The following TMC1 variants were observed in gnomAD, a reference collection of about 807,000 sequenced individuals.
TMC1 encodes transmembrane channel-like protein 1.
In TMC1, 84 loss-of-function variants were observed where a neutral mutation model predicts 105.8. That is an observed-to-expected ratio of 0.79 (90% confidence interval 0.67 to 0.95). The LOEUF (loss-of-function observed/expected upper bound fraction) is 0.95, where lower values mean the gene tolerates loss of function less well. Among genes scored for constraint, TMC1 ranks in the 40% least tolerant of loss-of-function variants. The pLI, the probability that TMC1 is intolerant of heterozygous loss-of-function variation, is 0.00. For missense variants in TMC1, 817 were observed against 914.1 expected, an observed-to-expected ratio of 0.89 and a Z score of 1.37; for synonymous variants, 315 against 311.5, an observed-to-expected ratio of 1.01 and a Z score of -0.12.
At chr9:72,802,879 AC>A (rs1418630429) in intron 17 of TMC1, among the ~76,000 whole-genome samples, 14 of 152,210 alleles carry the variant, frequency 9.2e-5, no homozygotes, top group Admixed American at 5.9e-4. Flanking sequence ...TAGAAAAAAA[AC>A]ATTTTTAAAT....
chr9:72,651,465 T>C (rs936499836), intron 5 of TMC1: 5 of 152,264 alleles, frequency 3.3e-5, no homozygotes, highest in Admixed American at 6.5e-5. Flanking sequence ...AATCTCATGA[T>C]TGCAGGTTGT....
rs1393873434 is a variant in TMC1, at chr9:72,521,646, G to C, written c.-695G>C. On this transcript the variant is annotated 5_prime_UTR_variant, in exon 1 of 24. Transcript: ENST00000297784. ...TGTTTCCCATCTACTCAGAGGCTGA[G>C]GCGGGAGAATCGCTTGAACCCGGAA... 1 of 152,174 alleles carries C rather than the reference G, an allele frequency of 6.6e-6. No individual in the cohort carries two copies. The highest frequency in any genetic ancestry group is 2.4e-5 in the African/African-American group (1 of 41,406). The allele number at this position is 152,174 out of a possible 1,614,324, so 9.4% of individuals were successfully genotyped here.
In TMC1 at chr9:72,807,122, G is replaced by C. The variant is rs979268023; in HGVS notation, c.1695+1612G>C. On this transcript the variant is annotated intron_variant, in intron 18 of 23. Coordinates refer to ENST00000297784, the MANE Select transcript of TMC1 (RefSeq NM_138691.3). Reference sequence around the variant, plus strand: ...ACCAAAACCAGTCAGGCGTGTCGGCGCGAGCCTGCAATCGCAGGCACTCGG... The same window carrying C: ...ACCAAAACCAGTCAGGCGTGTCGGCCCGAGCCTGCAATCGCAGGCACTCGG... Among the ~76,000 whole-genome samples the C allele has an allele frequency of 4.6e-5, 7 of 152,300 alleles. No homozygotes were observed. In the South Asian group the frequency reaches 1.5e-3, roughly 32 times the overall value.
intron 1 of TMC1, among the ~76,000 whole-genome samples, chr9:72,524,040 C>T (rs531861327): frequency 4.6e-5 from 7 of 152,310 alleles, no homozygotes; most frequent in South Asian, 4.1e-4. Flanking sequence ...CATTTTCACT[C>T]GTCAGTGCTG....
intron 10 of TMC1, 26 bp downstream of exon 10, chr9:72,742,551 G>T: frequency 6.3e-7 from 1 of 1,587,658 alleles, no homozygotes; most frequent in East Asian, 2.2e-5. Context: ...ATCTCAGGTG[G>T]AGAAGGTTGT....
At chr9:72,744,117 G>A (rs1228954088) in intron 10 of TMC1, among the ~76,000 whole-genome samples, 3 of 152,156 alleles carry the variant, frequency 2.0e-5, no homozygotes, top group Non-Finnish European at 2.9e-5. Context: ...TATCAGATGG[G>A]AATTATTAAG....
At chr9:72,614,815 G>T (rs1425055841) in intron 2 of TMC1, among the ~76,000 whole-genome samples, 1 of 151,986 alleles carries the variant, frequency 6.6e-6, no homozygotes, top group Non-Finnish European at 1.5e-5. Context: ...TGAGTAGCTG[G>T]GATTACAGTG....
chr9:72,678,807 CTGAT>C (rs1360772274), intron 5 of TMC1, among the ~76,000 whole-genome samples: 4 of 152,016 alleles, frequency 2.6e-5, no homozygotes, highest in Non-Finnish European at 5.9e-5. Flanking sequence ...TTAGAAATCT[CTGAT>C]TGTAATCTTC....
At chr9:72,655,686 G>C (rs917388720) in intron 5 of TMC1, 1 of 379,960 alleles carries the variant, frequency 2.6e-6, no homozygotes, top group African/African-American at 2.1e-5. Context: ...AGCCTGCAGT[G>C]AGCTGAGATC....
At chr9:72,725,323 A>ATG (rs368040023) in intron 8 of TMC1, among the ~76,000 whole-genome samples, 7,642 of 105,612 alleles carry the variant, frequency 0.072, 411 homozygotes, top group Non-Finnish European at 0.095. Context: ...TTATGTGTGT[A>ATG]TGTATATATA....
Position 72,837,632 on chromosome 9 carries a change from T to C in TMC1, c.*1659T>C, listed in dbSNP as rs912196240. 6.6e-6 allele frequency: 1 copy of C among 152,240 alleles called. No individual in the cohort carries two copies. Among genetic ancestry groups the C allele is most frequent in the African/African-American group, 2.4e-5 (1 of 41,458 alleles). The allele number at this position is 152,240 out of a possible 1,614,324, so 9.4% of individuals were successfully genotyped here. A position where few individuals can be genotyped will look rare whatever the true frequency, so the allele number is the denominator to read the frequency against. On this transcript the variant is annotated 3_prime_UTR_variant, in exon 24 of 24. Transcript: ENST00000297784. The stretch of plus-strand genomic sequence containing the variant: ...ATTTACAGTTTGAATTGACTTTAAG[T>C]AGTAACACTCAGTGCCCTCACTAGC...
intron 8 of TMC1, among the ~76,000 whole-genome samples, chr9:72,723,008 A>ACTGG (rs1827054797): frequency 6.6e-6 from 1 of 152,202 alleles, no homozygotes; most frequent in East Asian, 1.9e-4. Context: ...GAACAACTGA[A>ACTGG]AGCAGAGGTT....
chr9:72,809,890 C>A (rs17560936), intron 18 of TMC1, among the ~76,000 whole-genome samples: 1 of 151,754 alleles, frequency 6.6e-6, no homozygotes, highest in Admixed American at 6.6e-5. Flanking sequence ...TACAAGCTCC[C>A]GATATAAATA....
At chr9:72,653,546 C>T (rs1825844269) in intron 5 of TMC1, among the ~76,000 whole-genome samples, 1 of 152,140 alleles carries the variant, frequency 6.6e-6, no homozygotes, top group Non-Finnish European at 1.5e-5. Flanking sequence ...TTATGCTATT[C>T]CTTTGGCTGA....
intron 3 of TMC1, among the ~76,000 whole-genome samples, chr9:72,623,653 A>T (rs1014374481): frequency 3.3e-5 from 5 of 152,118 alleles, no homozygotes; most frequent in Non-Finnish European, 4.4e-5. Flanking sequence ...CATGCATTTT[A>T]GCTACTGGGC....
intron 5 of TMC1, chr9:72,655,837 C>T (rs1481911844): frequency 1.1e-5 from 8 of 726,476 alleles, no homozygotes; most frequent in Non-Finnish European, 1.7e-5. Flanking sequence ...TTGACTTATA[C>T]GTCTACAATG....
At chr9:72,653,465 A>G (rs1239520467) in intron 5 of TMC1, among the ~76,000 whole-genome samples, 3 of 152,236 alleles carry the variant, frequency 2.0e-5, no homozygotes, top group Non-Finnish European at 4.4e-5. Flanking sequence ...CTTACATACC[A>G]TAGGTTACTA....
intron 5 of TMC1, among the ~76,000 whole-genome samples, chr9:72,678,613 C>CT (rs1453549181): frequency 1.3e-5 from 2 of 151,672 alleles, no homozygotes; most frequent in Non-Finnish European, 2.9e-5. Flanking sequence ...TAATTTTTAG[C>CT]TTTTTAAAAA....
rs1486661992 is a variant in TMC1, at chr9:72,584,020, G to A, written c.-306+5997G>A. Among the ~76,000 whole-genome samples the A allele has an allele frequency of 2.0e-5, 3 of 152,238 alleles. No individual in the cohort carries two copies. The East Asian group carries it at 5.8e-4, about 29-fold the overall frequency. On this transcript the variant is annotated intron_variant, in intron 2 of 23. Coordinates refer to ENST00000297784, the MANE Select transcript of TMC1 (RefSeq NM_138691.3). Reference sequence around the variant, plus strand: ...TGCCAGACAAAGATGTTCCTGGCAGGGGGGTTAATAATGTTAACAGTACTC... The same window carrying A: ...TGCCAGACAAAGATGTTCCTGGCAGAGGGGTTAATAATGTTAACAGTACTC...
Sources: allele counts gnomAD v4.1 joint callset (sites outside exome capture counted in the v4.1 genomes callset), GRCh38; gene constraint gnomAD v4.1.1; transcripts MANE v1.5; gene names NCBI Gene and HGNC (gene_info 2026-07-23, HGNC 2026-07-21).